The following LRP1B variants were observed in gnomAD, a reference collection of about 807,000 sequenced individuals.
LRP1B encodes the protein low-density lipoprotein receptor-related protein 1B.
A neutral mutation model predicts 556.6 loss-of-function variants in LRP1B; 217 were observed. The ratio of observed to expected loss-of-function variants is 0.39; its 90% confidence interval spans 0.35 to 0.44. The LOEUF (loss-of-function observed/expected upper bound fraction) is 0.44, where lower values mean the gene tolerates loss of function less well. Among genes scored for constraint, LRP1B ranks in the 20% least tolerant of loss-of-function variants. The pLI is 1.00. For missense variants in LRP1B, 5,053 were observed against 5,620.8 expected (o/e 0.90, Z 3.23); for synonymous variants, 2,047 against 1,865.8 (o/e 1.10, Z -2.50).
At chr2:141,952,947 G>T (rs1453101974) in intron 1 of LRP1B, among the ~76,000 whole-genome samples, 2 of 152,046 alleles carry the variant, frequency 1.3e-5, no homozygotes, top group East Asian at 3.9e-4. Flanking sequence ...CGTGTATTCT[G>T]ATGAGCCTAT....
chr2:140,625,060 G>A (rs1323228984), intron 41 of LRP1B, among the ~76,000 whole-genome samples: 1 of 152,118 alleles, frequency 6.6e-6, no homozygotes, highest in African/African-American at 2.4e-5. Flanking sequence ...AGAACATGCA[G>A]GATCTTTCAG....
At chr2:141,569,877 A>C (rs1050251457) in intron 2 of LRP1B, among the ~76,000 whole-genome samples, 2 of 151,248 alleles carry the variant, frequency 1.3e-5, no homozygotes, top group African/African-American at 4.8e-5. Context: ...TTGAGAACAC[A>C]GTTTTTTATA....
chr2:141,886,653 A>T (rs1252326081), intron 1 of LRP1B, among the ~76,000 whole-genome samples: 1 of 152,210 alleles, frequency 6.6e-6, no homozygotes, highest in Non-Finnish European at 1.5e-5. Flanking sequence ...ATATCTGAAC[A>T]TAGTGAAAAA....
chr2:140,359,984 T>G (rs944907809), intron 72 of LRP1B, among the ~76,000 whole-genome samples: 5 of 151,612 alleles, frequency 3.3e-5, no homozygotes, highest in Non-Finnish European at 7.4e-5. Context: ...TGGCATCTTC[T>G]AGCCATCTCA....
chr2:140,815,172 G>C (rs6749707), intron 31 of LRP1B, among the ~76,000 whole-genome samples: 69,144 of 151,686 alleles, frequency 0.46, 16,907 homozygotes, highest in East Asian at 0.58. Flanking sequence ...AAAGAAGGAA[G>C]GGCAGATGAT....
In LRP1B at chr2:140,350,932, A is replaced by C. The variant is rs1179481204; in HGVS notation, c.11757T>G (p.His3919Gln). 1.9e-6 allele frequency: 3 copies of C among 1,610,754 alleles called. No homozygotes were observed. The highest frequency in any genetic ancestry group is 1.7e-6 in the Non-Finnish European group (2 of 1,177,710). The change falls in exon 77 of 91, where the codon CAT (histidine) becomes CAG (glutamine). Residue 3919 changes from histidine (H) to glutamine (Q), a missense_variant. By Grantham distance (24) the His-to-Gln change is conservative (BLOSUM62 0). Around this residue, in one of 5 missense-constraint regions of LRP1B, gnomAD observed 599 missense variants for 648.4 expected, o/e 0.92. Transcript: ENST00000389484. Reference protein sequence around the residue: ...GDHQQISHIEHNSRITGMDVY... With the variant: ...GDHQQISHIEQNSRITGMDVY... ...CATCCATCCCTGTTATTCTTGAATT[A>C]TGTTCAATATGAGAAATTTGTTGAT...
intron 43 of LRP1B, among the ~76,000 whole-genome samples, chr2:140,574,056 TTCTC>T (rs1574094437): frequency 6.6e-6 from 1 of 152,198 alleles, no homozygotes; most frequent in Admixed American, 6.5e-5. Flanking sequence ...ATGTTTTACT[TTCTC>T]TATATGTTAT....
In LRP1B at chr2:140,234,923, T is replaced by TG. The variant is rs1312335753; in HGVS notation, c.13561-40_13561-39insC. The TG allele has an allele frequency of 5.3e-6, 4 of 750,014 alleles. No individual in the cohort carries two copies. The African/African-American group carries it at 7.0e-5, about 13-fold the overall frequency. The allele number at this position is 750,014 out of a possible 1,614,324, so 46.5% of individuals were successfully genotyped here. On this transcript the variant is annotated intron_variant, in intron 89 of 90. Coordinates refer to ENST00000389484, the MANE Select transcript of LRP1B (RefSeq NM_018557.3). ...GAAAATTTTAGTTTCTGATCTAATA[T>TG]TATAGAATCACTTTTCATCGATACA... is the stretch of plus-strand genomic sequence containing the variant.
At chr2:140,267,338 G>A (rs983605277) in intron 86 of LRP1B, among the ~76,000 whole-genome samples, 3 of 151,922 alleles carry the variant, frequency 2.0e-5, no homozygotes, top group African/African-American at 7.2e-5. Flanking sequence ...TTCAGTATCT[G>A]TGGGGAACTG....
At chr2:140,466,996 A>G (rs1558902145) in intron 60 of LRP1B, among the ~76,000 whole-genome samples, 1 of 152,206 alleles carries the variant, frequency 6.6e-6, no homozygotes, top group Non-Finnish European at 1.5e-5. Context: ...AGAATTTTCT[A>G]ATATTTACCT....
chr2:141,440,619 T>C (rs113985601), intron 3 of LRP1B, among the ~76,000 whole-genome samples: 6 of 152,312 alleles, frequency 3.9e-5, no homozygotes, highest in African/African-American at 1.4e-4. Context: ...TACTGTACAG[T>C]AGCTTTCCCT....
At chr2:141,156,954 A>G (rs572314858) in intron 7 of LRP1B, among the ~76,000 whole-genome samples, 1 of 152,242 alleles carries the variant, frequency 6.6e-6, no homozygotes, top group Non-Finnish European at 1.5e-5. Context: ...GCAGAACACC[A>G]TTCCTTTAGC....
At chr2:141,642,457 G>C (rs1451866126) in intron 2 of LRP1B, among the ~76,000 whole-genome samples, 2 of 151,908 alleles carry the variant, frequency 1.3e-5, no homozygotes, top group Non-Finnish European at 2.9e-5. Flanking sequence ...AAAACATAAA[G>C]GCAAGGGGGA....
intron 2 of LRP1B, among the ~76,000 whole-genome samples, chr2:141,736,344 AC>A (rs1693467887): frequency 6.6e-6 from 1 of 152,150 alleles, no homozygotes; most frequent in Non-Finnish European, 1.5e-5. Flanking sequence ...TGTGAATATA[AC>A]CTTATTTAAA....
In LRP1B at chr2:141,094,997, C is replaced by T. The variant is rs368406312; in HGVS notation, c.1014-32724G>A. On this transcript the variant is annotated intron_variant, in intron 7 of 90. Transcript: ENST00000389484. Reference sequence around the variant, plus strand: ...TGGGGCCTAGTGAGAGGTGACTAGGCCAAGAGGGTAAAGTGAATGAATGAA... The same window carrying T: ...TGGGGCCTAGTGAGAGGTGACTAGGTCAAGAGGGTAAAGTGAATGAATGAA... Among the ~76,000 whole-genome samples the T allele has an allele frequency of 2.6e-5, 4 of 151,948 alleles. No individual in the cohort carries two copies. The East Asian group carries it at 7.8e-4, about 29-fold the overall frequency.
At chr2:140,817,305 T>G (rs1031637301) in intron 31 of LRP1B, among the ~76,000 whole-genome samples, 1 of 151,868 alleles carries the variant, frequency 6.6e-6, no homozygotes. Flanking sequence ...CTAGATCCAA[T>G]AACATAATAA....
At chr2:140,828,410 C>G (rs1573772742) in intron 31 of LRP1B, among the ~76,000 whole-genome samples, 1 of 149,356 alleles carries the variant, frequency 6.7e-6, no homozygotes, top group African/African-American at 2.5e-5. Context: ...GAGATCGAGA[C>G]CATCCTGGCT....
At chr2:141,396,477 A>T (rs1052674088) in intron 3 of LRP1B, among the ~76,000 whole-genome samples, 1 of 152,314 alleles carries the variant, frequency 6.6e-6, no homozygotes, top group South Asian at 2.1e-4. Context: ...ATGAAACATT[A>T]CTTTTAGTGG....
At chr2:141,020,477 A>T (rs1424359100) in intron 11 of LRP1B, among the ~76,000 whole-genome samples, 1 of 152,064 alleles carries the variant, frequency 6.6e-6, no homozygotes, top group Non-Finnish European at 1.5e-5. Flanking sequence ...AGCAATGTAG[A>T]CTGTTCTGAA....
Sources: allele counts gnomAD v4.1 joint callset (sites outside exome capture counted in the v4.1 genomes callset), GRCh38; gene constraint gnomAD v4.1.1; regional missense constraint gnomAD v4.1.1; transcripts MANE v1.5; gene names NCBI Gene and HGNC (gene_info 2026-07-23, HGNC 2026-07-21).